Variants in L3MBTL4 observed in about 807,000 individuals in gnomAD.
L3MBTL4 encodes lethal(3)malignant brain tumor-like protein 4.
A neutral mutation model predicts 84.5 loss-of-function variants in L3MBTL4; 70 were observed. That is an observed-to-expected ratio of 0.83 (90% confidence interval 0.68 to 1.01). The LOEUF is 1.01. L3MBTL4 is among the 50% of genes least tolerant of loss of function. L3MBTL4 has a pLI of 0.00. For missense variants in L3MBTL4, 715 were observed against 754.8 expected, an observed-to-expected ratio of 0.95 and a Z score of 0.62; for synonymous variants, 274 against 259.8, an observed-to-expected ratio of 1.05 and a Z score of -0.52.
intron 14 of L3MBTL4, 40 bp from the exon 15 acceptor site, chr18:6,093,568 A>C (rs1399331470): frequency 6.5e-7 from 1 of 1,532,558 alleles, no homozygotes; most frequent in East Asian, 2.3e-5. Flanking sequence ...ATCAGTATAC[A>C]GTGATAAATC....
intron 16 of L3MBTL4, among the ~76,000 whole-genome samples, chr18:5,970,200 C>T (rs1052871129): frequency 2.0e-5 from 3 of 152,230 alleles, no homozygotes; most frequent in Non-Finnish European, 4.4e-5. Context: ...TGGAAAGCAG[C>T]GGAAGCTGAG....
At chr18:5,962,965 A>C (rs537673555) in intron 17 of L3MBTL4, among the ~76,000 whole-genome samples, 59 of 152,374 alleles carry the variant, frequency 3.9e-4, no homozygotes, top group African/African-American at 1.4e-3. Context: ...TGTAACAACC[A>C]AAAATATGCC....
At chr18:6,385,272 T>C (rs958367026) in intron 1 of L3MBTL4, among the ~76,000 whole-genome samples, 2 of 152,088 alleles carry the variant, frequency 1.3e-5, no homozygotes, top group South Asian at 2.1e-4. Flanking sequence ...CATAGTGGCA[T>C]GTGCCTGTAG....
intron 1 of L3MBTL4, among the ~76,000 whole-genome samples, chr18:6,380,735 A>C (rs1258711421): frequency 1.3e-5 from 2 of 152,176 alleles, no homozygotes; most frequent in Admixed American, 6.5e-5. Context: ...TTTTACTTCC[A>C]ATTATACGGT....
chr18:6,286,496 T>A (rs111229969), intron 4 of L3MBTL4, among the ~76,000 whole-genome samples: 6,993 of 151,058 alleles, frequency 0.046, 476 homozygotes, highest in African/African-American at 0.15. Context: ...AATAATAATT[T>A]AAAAAATAAT....
intron 12 of L3MBTL4, among the ~76,000 whole-genome samples, chr18:6,185,764 C>T (rs146577954): frequency 2.7e-3 from 408 of 152,062 alleles, no homozygotes; most frequent in African/African-American, 9.1e-3. Flanking sequence ...TAATCAAGAC[C>T]GAGTGGTAAA....
In L3MBTL4 at chr18:6,215,787, G is replaced by A; in HGVS notation, c.833C>T (p.Thr278Ile). 1 of 1,608,418 alleles carries A rather than the reference G, an allele frequency of 6.2e-7. No individual in the cohort carries two copies. Residue 278 changes from threonine (T) to isoleucine (I), a missense_variant, in exon 11 of 19, where the codon ACT becomes ATT. Physicochemically the swap from Thr to Ile is moderately conservative, Grantham distance 89. Transcript: ENST00000317931. The part of the protein sequence containing the change: ...NFSWTEYLEA[T>I]QTNAVPAKVF... ...TTTGGCAGGAACTGCATTGGTTTGA[G>A]TAGCTTCCAGGTATTCTGTCCAGGA... is the stretch of plus-strand genomic sequence containing the variant.
At chr18:6,118,950 T>A (rs2059439473) in intron 14 of L3MBTL4, among the ~76,000 whole-genome samples, 1 of 151,412 alleles carries the variant, frequency 6.6e-6, no homozygotes, top group African/African-American at 2.4e-5. Flanking sequence ...ATTTCAATTT[T>A]ACCAGAACTT....
rs1470811623 is a variant in L3MBTL4, at chr18:6,205,026, G to A, written c.981+8123C>T. Among the ~76,000 whole-genome samples the A allele has an allele frequency of 5.3e-5, 8 of 152,178 alleles. No homozygotes were observed. The East Asian group carries it at 7.7e-4, about 15-fold the overall frequency. On this transcript the variant is annotated intron_variant, in intron 12 of 18. Transcript: ENST00000317931. ...AGAATAATAGGCTCCCAAAGATGTCGAAATTCTAATCCCTGAAAGCTGTGA... is the reference window on the plus strand; with the variant it reads ...AGAATAATAGGCTCCCAAAGATGTCAAAATTCTAATCCCTGAAAGCTGTGA...
intron 13 of L3MBTL4, among the ~76,000 whole-genome samples, chr18:6,170,301 C>T (rs549074997): frequency 3.3e-5 from 5 of 152,156 alleles, no homozygotes; most frequent in African/African-American, 9.6e-5. Flanking sequence ...GAGAAGCATC[C>T]GTAACTATGA....
intron 16 of L3MBTL4, among the ~76,000 whole-genome samples, chr18:6,062,760 C>T (rs2057270157): frequency 6.6e-6 from 1 of 151,736 alleles, no homozygotes; most frequent in African/African-American, 2.4e-5. Context: ...GTCATGTTGA[C>T]TCTGTTAACG....
intron 1 of L3MBTL4, among the ~76,000 whole-genome samples, chr18:6,387,565 T>C (rs924834209): frequency 1.3e-5 from 2 of 152,224 alleles, no homozygotes; most frequent in African/African-American, 2.4e-5. Context: ...CTGATTTAAA[T>C]ACATCTCTGG....
At chr18:6,274,032 G>T (rs1599437898) in intron 4 of L3MBTL4, among the ~76,000 whole-genome samples, 1 of 152,204 alleles carries the variant, frequency 6.6e-6, no homozygotes, top group Admixed American at 6.5e-5. Flanking sequence ...TGATTACAAT[G>T]CATGTTAAAG....
At chr18:6,073,442 T>C (rs2057754639) in intron 16 of L3MBTL4, among the ~76,000 whole-genome samples, 1 of 152,100 alleles carries the variant, frequency 6.6e-6, no homozygotes. Context: ...TAAAAAAAAC[T>C]TCAGTTTTTT....
intron 10 of L3MBTL4, among the ~76,000 whole-genome samples, chr18:6,217,906 T>A (rs1478975049): frequency 6.6e-6 from 1 of 152,186 alleles, no homozygotes; most frequent in Non-Finnish European, 1.5e-5. Flanking sequence ...GTTCCAGACA[T>A]ATCTATTTTA....
chr18:6,182,829 T>C (rs2044541219), intron 12 of L3MBTL4, among the ~76,000 whole-genome samples: 1 of 152,226 alleles, frequency 6.6e-6, no homozygotes, highest in African/African-American at 2.4e-5. Flanking sequence ...CAAATGCTTT[T>C]TTAGGGTTAT....
intron 1 of L3MBTL4, among the ~76,000 whole-genome samples, chr18:6,382,379 C>T (rs1220824099): frequency 6.6e-6 from 1 of 152,082 alleles, no homozygotes; most frequent in Non-Finnish European, 1.5e-5. Flanking sequence ...CCCTTGCTGG[C>T]GAGGAGTTGT....
At chr18:6,262,771 C>A (rs2048461992) in intron 5 of L3MBTL4, among the ~76,000 whole-genome samples, 1 of 152,106 alleles carries the variant, frequency 6.6e-6, no homozygotes, top group Non-Finnish European at 1.5e-5. Flanking sequence ...ACCACCTAGA[C>A]AACAAAAGGA....
Position 6,090,875 on chromosome 18 carries a change from A to C in L3MBTL4, c.1373+2480T>G, listed in dbSNP as rs540654363. 5.3e-5 allele frequency among the ~76,000 whole-genome samples: 8 copies of C among 151,604 alleles called. No homozygotes were observed. The East Asian group carries it at 1.5e-3, about 29-fold the overall frequency. On this transcript the variant is annotated intron_variant, in intron 15 of 18. Transcript: ENST00000317931. ...GAACTCTGGATATTCTAATGTGACA[A>C]ATGTTGCTTGTATAAAAAAATTACA... is the stretch of plus-strand genomic sequence containing the variant.
Sources: allele counts gnomAD v4.1 joint callset (sites outside exome capture counted in the v4.1 genomes callset), GRCh38; gene constraint gnomAD v4.1.1; transcripts MANE v1.5; gene names NCBI Gene and HGNC (gene_info 2026-07-23, HGNC 2026-07-21).